Variants in FGD5 observed in about 807,000 individuals in gnomAD.
FGD5 encodes the protein FYVE, RhoGEF and PH domain-containing protein 5.
FGD5 carries 28 observed loss-of-function variants against 133.4 expected under a neutral mutation model. The ratio of observed to expected loss-of-function variants is 0.21; its 90% CI spans 0.16 to 0.29. FGD5 has a LOEUF of 0.29. Among genes scored for constraint, FGD5 ranks in the 10% least tolerant of loss-of-function variants. FGD5 has a pLI of 1.00. For synonymous variants in FGD5, 810 were observed against 776.5 expected (o/e 1.04, Z -0.72); for missense variants, 1,858 against 1,895.2 (o/e 0.98, Z 0.36).
chr3:14,857,210 G>A (rs916423138), intron 1 of FGD5, among the ~76,000 whole-genome samples: 1 of 151,502 alleles, frequency 6.6e-6, no homozygotes, highest in African/African-American at 2.4e-5. Flanking sequence ...GGCTGCTGGA[G>A]TGCAGTGGTG....
chr3:14,902,923 C>T lies in FGD5; in HGVS notation c.3264+1862C>T, dbSNP rs949689071. Among the ~76,000 whole-genome samples the T allele has an allele frequency of 7.2e-5, 11 of 152,346 alleles. No homozygotes were observed. In the South Asian group the frequency reaches 1.7e-3, roughly 23 times the overall value. The stretch of plus-strand genomic sequence containing the variant: ...CCGGAGCAGCCGACGGCCAGACACC[C>T]TCTTGGCTTTCTCCAAGGCTGAAGT... On this transcript the variant is annotated intron_variant, in intron 9 of 19. Transcript: ENST00000285046.
intron 9 of FGD5, among the ~76,000 whole-genome samples, chr3:14,907,346 A>G (rs1216927481): frequency 1.3e-5 from 2 of 152,206 alleles, no homozygotes; most frequent in Non-Finnish European, 2.9e-5. Context: ...TCCAGACCTC[A>G]TGAGAGACAT....
Position 14,917,248 on chromosome 3 carries a change from G to C in FGD5, c.3406-1G>C. 1 of 1,613,132 alleles carries C rather than the reference G, an allele frequency of 6.2e-7. No individual in the cohort carries two copies. On this transcript the variant is annotated splice_acceptor_variant, in intron 11 of 19. Coordinates refer to ENST00000285046, the MANE Select transcript of FGD5 (RefSeq NM_152536.4). LOFTEE classifies it high-confidence loss of function. The surrounding 1 kb of genome is among the most constrained non-coding windows in gnomAD (Gnocchi z 4.1). ...CTCTCATAGGGTTTCCCTCTCTCCA[G>C]ATGAACGATGTGCTCCTGTACACCT... is the stretch of plus-strand genomic sequence containing the variant.
At chr3:14,898,874 A>C (rs1188364234) in intron 7 of FGD5, 48 bp downstream of exon 7, 1 of 1,513,126 alleles carries the variant, frequency 6.6e-7, no homozygotes, top group East Asian at 2.4e-5. Context: ...AGGGCAGGGA[A>C]GGCCCCTGAG....
intron 4 of FGD5, among the ~76,000 whole-genome samples, chr3:14,894,118 C>G (rs970028024): frequency 6.6e-6 from 1 of 152,136 alleles, no homozygotes; most frequent in African/African-American, 2.4e-5. Context: ...CATTGCCACC[C>G]CCTTCCCACC....
intron 4 of FGD5, chr3:14,897,272 G>T: frequency 1.9e-6 from 1 of 532,924 alleles, no homozygotes; most frequent in East Asian, 3.4e-5. Flanking sequence ...GCCCTGCTCT[G>T]TGCCAGGCGT....
intron 10 of FGD5, among the ~76,000 whole-genome samples, chr3:14,910,048 G>A (rs2038418002): frequency 6.6e-6 from 1 of 151,906 alleles, no homozygotes; most frequent in African/African-American, 2.4e-5. Context: ...ACAGGCGTGA[G>A]CCACCACGCC....
intron 1 of FGD5, 23 bp downstream of exon 1, chr3:14,821,619 T>C: frequency 6.5e-7 from 1 of 1,538,728 alleles, no homozygotes; most frequent in Non-Finnish European, 8.8e-7. Context: ...CTATTTCCTT[T>C]CTTGTTCGGC....
In FGD5 at chr3:14,923,229, G is replaced by C. The variant is rs557472654; in HGVS notation, c.3937+54G>C. On this transcript the variant is annotated intron_variant, in intron 16 of 19. Transcript: ENST00000285046. Reference sequence around the variant, plus strand: ...AAGTGGCCTGGTGGCTTCTCCCCAGGCTCCAGTGGCTTCTCTGTGGTCCAT... The same window carrying C: ...AAGTGGCCTGGTGGCTTCTCCCCAGCCTCCAGTGGCTTCTCTGTGGTCCAT... 3 of 1,565,658 alleles carry C rather than the reference G, an allele frequency of 1.9e-6. No homozygotes were observed. The African/African-American group carries it at 4.1e-5, about 21-fold the overall frequency.
chr3:14,888,470 T>C (rs1248558784), intron 4 of FGD5, among the ~76,000 whole-genome samples: 1 of 152,248 alleles, frequency 6.6e-6, no homozygotes, highest in Non-Finnish European at 1.5e-5. Flanking sequence ...TAAAGGCCTC[T>C]GGCTAAACAT....
In FGD5 at chr3:14,928,434, G is replaced by A. The variant is rs865831040; in HGVS notation, c.4197+2236G>A. On this transcript the variant is annotated intron_variant, in intron 18 of 19. Coordinates refer to ENST00000285046, the MANE Select transcript of FGD5 (RefSeq NM_152536.4). ...GTTTATAAATATTTTCAAACATAAAGGAATGTTGAAAGAATTTTACAGTGA... is the reference window on the plus strand; with the variant it reads ...GTTTATAAATATTTTCAAACATAAAAGAATGTTGAAAGAATTTTACAGTGA... 3.4e-4 allele frequency among the ~76,000 whole-genome samples: 52 copies of A among 152,184 alleles called. No homozygotes were observed. The Middle Eastern group carries it at 0.034, about 100-fold the overall frequency.
At chr3:14,869,462 C>T (rs956453545) in intron 2 of FGD5, among the ~76,000 whole-genome samples, 17 of 152,180 alleles carry the variant, frequency 1.1e-4, no homozygotes, top group Non-Finnish European at 2.2e-4. Flanking sequence ...AATCCACCAT[C>T]GTAACCATTT....
chr3:14,822,132 AAAG>A (rs1445400637), intron 1 of FGD5, among the ~76,000 whole-genome samples: 7 of 152,144 alleles, frequency 4.6e-5, no homozygotes, highest in Non-Finnish European at 8.8e-5. Flanking sequence ...GAAAAAGAAA[AAAG>A]AAAATCAGAG....
intron 9 of FGD5, among the ~76,000 whole-genome samples, chr3:14,905,313 G>T (rs1340437363): frequency 6.6e-6 from 1 of 152,006 alleles, no homozygotes; most frequent in East Asian, 1.9e-4. Context: ...CTTCTCTTTT[G>T]ATTTGATTTT....
At chr3:14,921,737 A>G (rs1209682533) in intron 13 of FGD5, among the ~76,000 whole-genome samples, 181 bp from the exon 14 acceptor site, 4 of 152,214 alleles carry the variant, frequency 2.6e-5, no homozygotes, top group African/African-American at 4.8e-5. Flanking sequence ...AGGACAGCTA[A>G]TGGACCAGTG....
chr3:14,843,686 C>CTT lies in FGD5; in HGVS notation c.2526-20426_2526-20425dup, dbSNP rs71919787. 4.2e-3 allele frequency among the ~76,000 whole-genome samples: 203 copies of CTT among 48,200 alleles called. 5 individuals carry two copies. Among genetic ancestry groups the CTT allele is most frequent in the South Asian group, 0.011 (11 of 1,016 alleles). 31.6% of individuals were successfully genotyped at this position (48,200 alleles called of 152,430 possible). ...TCTATACCTGTGCATCCCCAGGGTG[C>CTT]TTTTTTTTTTTTTTTTTGGGGGGAG... On this transcript the variant is annotated intron_variant, in intron 1 of 19. Transcript: ENST00000285046.
In FGD5 at chr3:14,831,556, C is replaced by T. The variant is rs538549595; in HGVS notation, c.2525+9960C>T. 1.9e-4 allele frequency among the ~76,000 whole-genome samples: 29 copies of T among 152,252 alleles called. 1 individual carries two copies. The South Asian group carries it at 4.4e-3, about 23-fold the overall frequency. On this transcript the variant is annotated intron_variant, in intron 1 of 19. Coordinates refer to ENST00000285046, the MANE Select transcript of FGD5 (RefSeq NM_152536.4). ...CGCTGAGGTCCCCCATCTGAGTGCT[C>T]TTCCCAGAAGACCATGCTAGTCCAG...
intron 1 of FGD5, among the ~76,000 whole-genome samples, chr3:14,838,860 G>T (rs1041035711): frequency 6.6e-6 from 1 of 152,210 alleles, no homozygotes; most frequent in Non-Finnish European, 1.5e-5. Context: ...ACTATAGGGA[G>T]AAAATGCAAT....
chr3:14,860,167 C>A (rs1197117867), intron 1 of FGD5, among the ~76,000 whole-genome samples: 1 of 152,156 alleles, frequency 6.6e-6, no homozygotes, highest in Admixed American at 6.5e-5. Context: ...GGGGATGAGG[C>A]CCCACAAGTC....
Sources: allele counts gnomAD v4.1 joint callset (sites outside exome capture counted in the v4.1 genomes callset), GRCh38; gene constraint gnomAD v4.1.1; non-coding constraint Gnocchi (gnomAD v3.1); transcripts MANE v1.5; gene names NCBI Gene and HGNC (gene_info 2026-07-23, HGNC 2026-07-21).